Variants in PP2D1 observed in about 807,000 individuals in gnomAD.
PP2D1 encodes protein phosphatase 2C like domain containing 1.
PP2D1 carries 25 observed loss-of-function variants against 30.2 expected under a neutral mutation model. That is an observed-to-expected ratio of 0.83 (90% CI 0.60 to 1.16). The LOEUF (loss-of-function observed/expected upper bound fraction) is 1.16. Ranked by LOEUF, PP2D1 falls within the 50% of genes most tolerant of loss-of-function variation. The pLI, the probability that PP2D1 is intolerant of heterozygous loss-of-function variation, is 0.00. For missense variants in PP2D1, 760 were observed against 742.4 expected, an observed-to-expected ratio of 1.02 and a Z score of -0.28; for synonymous variants, 260 against 258.9, an observed-to-expected ratio of 1.00 and a Z score of -0.04.
chr3:19,991,318 G>A (rs1387387989), intron 2 of PP2D1, among the ~76,000 whole-genome samples: 1 of 152,198 alleles, frequency 6.6e-6, no homozygotes, highest in Non-Finnish European at 1.5e-5. Flanking sequence ...TAAACTTACA[G>A]AGTGAACTCT....
intron 1 of PP2D1, among the ~76,000 whole-genome samples, chr3:20,004,978 A>T (rs1697300545): frequency 6.6e-6 from 1 of 151,820 alleles, no homozygotes; most frequent in Admixed American, 6.6e-5. Context: ...GTGTGATGGT[A>T]TGCATGCCTG....
At chr3:19,991,129 A>G (rs573523864) in intron 2 of PP2D1, among the ~76,000 whole-genome samples, 1 of 152,348 alleles carries the variant, frequency 6.6e-6, no homozygotes, top group South Asian at 2.1e-4. Flanking sequence ...GATTACTGGA[A>G]GAGCAACGTG....
downstream of PP2D1, chr3:19,983,733 A>G: frequency 2.5e-6 from 4 of 1,611,532 alleles, no homozygotes; most frequent in Non-Finnish European, 3.4e-6. Context: ...AGAATGAACC[A>G]CAAAATCCAG....
At chr3:20,011,314 GT>G (rs1697383219) in intron 1 of PP2D1, among the ~76,000 whole-genome samples, 1 of 152,154 alleles carries the variant, frequency 6.6e-6, no homozygotes, top group Admixed American at 6.5e-5. Flanking sequence ...AAAGGATGTA[GT>G]TTTATGAGCC....
intron 1 of PP2D1, among the ~76,000 whole-genome samples, chr3:20,006,757 G>A (rs1697322537): frequency 6.6e-6 from 1 of 151,800 alleles, no homozygotes; most frequent in Non-Finnish European, 1.5e-5. Flanking sequence ...GTGAGCTACT[G>A]CATCGGCCCT....
At position 20,001,561 on chromosome 3, in the gene PP2D1, C is replaced by T. The variant is rs267599758; in HGVS notation, c.559G>A (p.Asp187Asn). 1 of 1,536,200 alleles carries T rather than the reference C, an allele frequency of 6.5e-7. No individual in the cohort carries two copies. The highest frequency in any genetic ancestry group is 8.7e-7 in the Non-Finnish European group (1 of 1,146,916). The change falls in exon 2 of 3, where the codon GAT (aspartate) becomes AAT (asparagine). Residue 187 changes from aspartate to asparagine, a missense_variant. Around this residue, in one of 3 missense-constraint regions of PP2D1, gnomAD observed 374 missense variants for 388.8 expected, o/e 0.96. Transcript: ENST00000389050. ...AAATTACTCACTACAGTGAATTTAT[C>T]ATTCATGTCAGCTTTCCATGTAGAA... Reference protein sequence around the residue: ...RNSTWKADMNDKFTVVSNFGN... With the variant: ...RNSTWKADMNNKFTVVSNFGN...
downstream of PP2D1, chr3:19,983,852 C>T: frequency 7.2e-7 from 1 of 1,384,046 alleles, no homozygotes; most frequent in Non-Finnish European, 1.0e-6. Flanking sequence ...CTGGAATAGT[C>T]TTCTGCTTCC....
downstream of PP2D1, chr3:19,984,195 A>G (rs935464687): frequency 1.4e-5 from 6 of 422,078 alleles, no homozygotes; most frequent in Non-Finnish European, 2.7e-5. Context: ...GGAACTTACT[A>G]ATTTGGGCTT....
chr3:19,996,556 G>T (rs997504979), intron 2 of PP2D1, among the ~76,000 whole-genome samples: 27 of 152,232 alleles, frequency 1.8e-4, no homozygotes, highest in African/African-American at 6.5e-4. Flanking sequence ...AATTGAAGAG[G>T]AAGGAATTCT....
At chr3:20,011,128 G>A (rs1697380737) in intron 1 of PP2D1, among the ~76,000 whole-genome samples, 1 of 152,074 alleles carries the variant, frequency 6.6e-6, no homozygotes, top group African/African-American at 2.4e-5. Flanking sequence ...GGGGTCCAAG[G>A]CAATATCCAA....
chr3:19,987,820 C>T (rs573620861), intron 2 of PP2D1, among the ~76,000 whole-genome samples: 72 of 152,296 alleles, frequency 4.7e-4, no homozygotes, highest in African/African-American at 1.7e-3. Context: ...TGGCTGAAGC[C>T]ATGGCAGAAG....
chr3:20,011,932 A>G (rs1697392948), intron 1 of PP2D1, 118 bp downstream of exon 1: 6 of 716,538 alleles, frequency 8.4e-6, no homozygotes, highest in Non-Finnish European at 1.1e-5. Context: ...CAATGTACAC[A>G]GTTTAACAGG....
chr3:20,005,397 C>T (rs2125146393), intron 1 of PP2D1, among the ~76,000 whole-genome samples: 1 of 152,234 alleles, frequency 6.6e-6, no homozygotes, highest in South Asian at 2.1e-4. Flanking sequence ...GGTGACCTAC[C>T]TGCCTCAGCC....
At chr3:20,003,254 A>G (rs1697277753) in intron 1 of PP2D1, among the ~76,000 whole-genome samples, 2 of 152,006 alleles carry the variant, frequency 1.3e-5, no homozygotes, top group Non-Finnish European at 2.9e-5. Context: ...TTCCAGAAGA[A>G]GGCATTGTTA....
chr3:19,996,441 T>C (rs1697180996), intron 2 of PP2D1, among the ~76,000 whole-genome samples: 4 of 152,060 alleles, frequency 2.6e-5, no homozygotes, highest in South Asian at 4.1e-4. Flanking sequence ...GAGTCAGTAA[T>C]AAAAAGTCCC....
intron 2 of PP2D1, among the ~76,000 whole-genome samples, chr3:19,990,512 G>C (rs773533650): frequency 1.4e-5 from 2 of 145,534 alleles, no homozygotes; most frequent in African/African-American, 2.6e-5. Context: ...GAAGTAGCCA[G>C]CGTTTCTTAA....
intron 2 of PP2D1, among the ~76,000 whole-genome samples, chr3:19,994,784 A>G (rs149207753): frequency 6.6e-6 from 1 of 152,356 alleles, no homozygotes; most frequent in Non-Finnish European, 1.5e-5. Flanking sequence ...AGAGAGGCAC[A>G]GAGTATTCCA....
downstream of PP2D1, among the ~76,000 whole-genome samples, chr3:19,982,849 A>G (rs924308285): frequency 5.3e-5 from 8 of 152,172 alleles, no homozygotes; most frequent in African/African-American, 1.9e-4. Context: ...GATATGATCT[A>G]TCACAATTCG....
downstream of PP2D1, chr3:19,985,200 T>G: frequency 1.9e-6 from 1 of 535,618 alleles, no homozygotes; most frequent in Non-Finnish European, 3.2e-6. Context: ...CTTTTCCTTT[T>G]TTTTGGCATA....
Sources: allele counts gnomAD v4.1 joint callset (sites outside exome capture counted in the v4.1 genomes callset), GRCh38; gene constraint gnomAD v4.1.1; regional missense constraint gnomAD v4.1.1; transcripts MANE v1.5; gene names NCBI Gene and HGNC (gene_info 2026-07-23, HGNC 2026-07-21).